Variants in WWC2 observed in about 807,000 individuals in gnomAD.
WWC2 encodes protein WWC2.
A neutral mutation model predicts 138.5 loss-of-function variants in WWC2; 101 were observed. That is an observed-to-expected ratio of 0.73 (90% CI 0.62 to 0.86). WWC2 has a LOEUF of 0.86. WWC2 is among the 40% of genes least tolerant of loss of function. The pLI is 0.00. For synonymous variants in WWC2, 558 were observed against 538.4 expected, an observed-to-expected ratio of 1.04 and a Z score of -0.50; for missense variants, 1,420 against 1,419.4, an observed-to-expected ratio of 1.00 and a Z score of -0.01.
intron 1 of WWC2, among the ~76,000 whole-genome samples, chr4:183,107,102 C>T (rs1679777276): frequency 3.3e-5 from 5 of 152,066 alleles, no homozygotes; most frequent in Admixed American, 3.3e-4. Context: ...CTCCTTCTCT[C>T]CTCTTTCTGT....
intron 4 of WWC2, chr4:183,233,777 T>C (rs532542680): frequency 1.3e-5 from 2 of 152,334 alleles, no homozygotes; most frequent in South Asian, 4.1e-4. Flanking sequence ...TATCTGGAGT[T>C]GACTTCTTGT....
chr4:183,236,769 A>G (rs1736436800), intron 4 of WWC2, among the ~76,000 whole-genome samples: 1 of 152,150 alleles, frequency 6.6e-6, no homozygotes, highest in Non-Finnish European at 1.5e-5. Context: ...TTCTGTATAA[A>G]TCTTAGGATT....
At chr4:183,188,302 A>C (rs1734874632) in intron 1 of WWC2, among the ~76,000 whole-genome samples, 1 of 151,900 alleles carries the variant, frequency 6.6e-6, no homozygotes, top group African/African-American at 2.4e-5. Flanking sequence ...GCAGTGGCAC[A>C]ATCTTGGCTC....
intron 1 of WWC2, among the ~76,000 whole-genome samples, chr4:183,101,815 T>A (rs1230921714): frequency 6.6e-6 from 1 of 152,214 alleles, no homozygotes; most frequent in African/African-American, 2.4e-5. Flanking sequence ...AAAAACAACT[T>A]GATATACTAT....
In WWC2 at chr4:183,117,623, CT is replaced by C. The variant is rs150384991; in HGVS notation, c.131+18014del. Reference sequence around the variant, plus strand: ...TACCACAAACATGTAAATTACAAAGCTTTTTTTTTTTTTGTTTAAAACACTG... The same window carrying C: ...TACCACAAACATGTAAATTACAAAGCTTTTTTTTTTTTGTTTAAAACACTG... On this transcript the variant is annotated intron_variant, in intron 1 of 22. Transcript: ENST00000403733. 4.2e-3 allele frequency among the ~76,000 whole-genome samples: 589 copies of C among 140,868 alleles called. 1 individual carries two copies. Among genetic ancestry groups the C allele is most frequent in the Middle Eastern group, 7.3e-3 (2 of 274 alleles). The allele number at this position is 140,868 out of a possible 152,430, so 92.4% of individuals were successfully genotyped here. A position where few individuals can be genotyped will look rare whatever the true frequency, so the allele number is the denominator to read the frequency against.
intron 6 of WWC2, among the ~76,000 whole-genome samples, chr4:183,247,671 T>TACTATATATACTATATAC (rs1374239027): frequency 8.0e-6 from 1 of 125,546 alleles, no homozygotes; most frequent in African/African-American, 3.6e-5. Flanking sequence ...ATACTATATA[T>TACTATATATACTATATAC]TATATGTACT....
At chr4:183,155,189 G>GGGGAGAGA (rs1554067851) in intron 1 of WWC2, among the ~76,000 whole-genome samples, 1 of 103,662 alleles carries the variant, frequency 9.6e-6, no homozygotes, top group African/African-American at 3.4e-5. Flanking sequence ...CATCTTCTGA[G>GGGGAGAGA]GAGAGAGAGA....
rs542553555 is a variant in WWC2 at position 183,216,415 on chromosome 4, C to G, written c.522+7390C>G. On this transcript the variant is annotated intron_variant, in intron 4 of 22. Coordinates refer to ENST00000403733, the MANE Select transcript of WWC2 (RefSeq NM_024949.6). ...GGTGATATTGGTGAAATAGGCTCAA[C>G]AAGAAGACATTTTGCCTAAAATTCA... Among the ~76,000 whole-genome samples, 10 of 152,230 alleles carry G rather than the reference C, an allele frequency of 6.6e-5. No individual in the cohort carries two copies. The South Asian group carries it at 1.9e-3, about 28-fold the overall frequency.
At chr4:183,174,513 C>G (rs1281086463) in intron 1 of WWC2, among the ~76,000 whole-genome samples, 1 of 152,214 alleles carries the variant, frequency 6.6e-6, no homozygotes, top group African/African-American at 2.4e-5. Flanking sequence ...CGCTGACCTT[C>G]CCATTGTCCT....
At chr4:183,220,690 C>T (rs10084878) in intron 4 of WWC2, among the ~76,000 whole-genome samples, 146,131 of 151,532 alleles carry the variant, frequency 0.96, 70,664 homozygotes, top group Non-Finnish European at 1. Context: ...AAAAAGTAGC[C>T]GGGCGTGGTG....
intron 9 of WWC2, among the ~76,000 whole-genome samples, chr4:183,255,490 A>G (rs920206607): frequency 2.6e-5 from 4 of 152,238 alleles, no homozygotes; most frequent in Non-Finnish European, 2.9e-5. Context: ...TATGTGGCCC[A>G]TGTATAAAAC....
In WWC2 at chr4:183,258,696, T is replaced by A. The variant is rs1737228915; in HGVS notation, c.1197-943T>A. On this transcript the variant is annotated intron_variant, in intron 9 of 22. Coordinates refer to ENST00000403733, the MANE Select transcript of WWC2 (RefSeq NM_024949.6). ...CACAGGGGAATTATAGTCACCATTTTACAGATGAGAAAAGTAAGACCCTTG... is the reference window on the plus strand; with the variant it reads ...CACAGGGGAATTATAGTCACCATTTAACAGATGAGAAAAGTAAGACCCTTG... Among the ~76,000 whole-genome samples the A allele has an allele frequency of 3.3e-5, 5 of 152,170 alleles. No individual in the cohort carries two copies. The South Asian group carries it at 1.0e-3, about 32-fold the overall frequency.
In WWC2 at chr4:183,139,966, C is replaced by T. The variant is rs894253210; in HGVS notation, c.131+40344C>T. On this transcript the variant is annotated intron_variant, in intron 1 of 22. Coordinates refer to ENST00000403733, the MANE Select transcript of WWC2 (RefSeq NM_024949.6). Reference sequence around the variant, plus strand: ...TAGGTGGGATCATAGGTGCACACCTCGACGCCCGGCCAATTTCGTATTTTT... The same window carrying T: ...TAGGTGGGATCATAGGTGCACACCTTGACGCCCGGCCAATTTCGTATTTTT... Among the ~76,000 whole-genome samples the T allele has an allele frequency of 3.9e-5, 6 of 152,108 alleles. No homozygotes were observed. In the South Asian group the frequency reaches 6.2e-4, roughly 16 times the overall value.
chr4:183,286,334 C>A (rs1352499401), intron 20 of WWC2, among the ~76,000 whole-genome samples: 1 of 152,106 alleles, frequency 6.6e-6, no homozygotes. Context: ...TCTGAGCCTG[C>A]AGGGGTATCA....
In WWC2 at chr4:183,320,039, C is replaced by G; in HGVS notation, c.*4310C>G. 1 of 1,614,062 alleles carries G rather than the reference C, an allele frequency of 6.2e-7. No individual in the cohort carries two copies. The highest frequency in any genetic ancestry group is 8.5e-7 in the Non-Finnish European group (1 of 1,179,970). On this transcript the variant is annotated 3_prime_UTR_variant, in exon 23 of 23. Coordinates refer to ENST00000403733, the MANE Select transcript of WWC2 (RefSeq NM_024949.6). Reference sequence around the variant, plus strand: ...AGTCAAAGTCCTTGCATTGCATCCCCACTTCCTCTTGGATGACACAGGTTT... The same window carrying G: ...AGTCAAAGTCCTTGCATTGCATCCCGACTTCCTCTTGGATGACACAGGTTT...
intron 1 of WWC2, among the ~76,000 whole-genome samples, chr4:183,181,147 A>G (rs1011610666): frequency 6.6e-6 from 1 of 152,148 alleles, no homozygotes; most frequent in African/African-American, 2.4e-5. Flanking sequence ...TTGCATAGCC[A>G]CCTTCTGTTG....
At chr4:183,101,353 C>T (rs909504427) in intron 1 of WWC2, among the ~76,000 whole-genome samples, 2 of 152,172 alleles carry the variant, frequency 1.3e-5, no homozygotes, top group African/African-American at 2.4e-5. Flanking sequence ...CAAGCATGTC[C>T]TTTATTTTAA....
At chr4:183,202,960 CT>C (rs1353217863) in intron 2 of WWC2, among the ~76,000 whole-genome samples, 2 of 152,288 alleles carry the variant, frequency 1.3e-5, no homozygotes, top group African/African-American at 2.4e-5. Flanking sequence ...AAACAGCCCC[CT>C]GAATTAGCTC....
At chr4:183,136,881 T>A (rs1733132004) in intron 1 of WWC2, among the ~76,000 whole-genome samples, 1 of 152,216 alleles carries the variant, frequency 6.6e-6, no homozygotes. Context: ...TGTTATAGCC[T>A]ATTAGGCCTA....
Sources: allele counts gnomAD v4.1 joint callset (sites outside exome capture counted in the v4.1 genomes callset), GRCh38; gene constraint gnomAD v4.1.1; transcripts MANE v1.5; gene names NCBI Gene and HGNC (gene_info 2026-07-23, HGNC 2026-07-21).